LRP1B: variants seen among roughly 807,000 people sequenced by gnomAD.
LRP1B encodes the protein low-density lipoprotein receptor-related protein 1B.
A neutral mutation model predicts 556.6 loss-of-function variants in LRP1B; 217 were observed. The observed-to-expected ratio is 0.39, with a 90% CI of 0.35 to 0.44. LRP1B has a LOEUF of 0.44. Among genes scored for constraint, LRP1B ranks in the 20% least tolerant of loss-of-function variants. The pLI is 1.00. For synonymous variants in LRP1B, 2,047 were observed against 1,865.8 expected (o/e 1.10, Z -2.50); for missense variants, 5,053 against 5,620.8 (o/e 0.90, Z 3.23).
At chr2:140,578,322 G>A (rs888220183) in intron 43 of LRP1B, among the ~76,000 whole-genome samples, 1 of 151,986 alleles carries the variant, frequency 6.6e-6, no homozygotes, top group East Asian at 1.9e-4. Context: ...GGGGGCGGAC[G>A]ACTTTAACCC....
At chr2:142,128,583 T>G (rs1463690341) in intron 1 of LRP1B, among the ~76,000 whole-genome samples, 1 of 152,218 alleles carries the variant, frequency 6.6e-6, no homozygotes, top group Non-Finnish European at 1.5e-5. Flanking sequence ...CCCATCCTTT[T>G]CACTTTTGGT....
At chr2:141,168,226 A>G (rs981775531) in intron 7 of LRP1B, among the ~76,000 whole-genome samples, 1 of 152,108 alleles carries the variant, frequency 6.6e-6, no homozygotes, top group African/African-American at 2.4e-5. Context: ...GCCATTAAAA[A>G]TAAATGTCTG....
intron 60 of LRP1B, among the ~76,000 whole-genome samples, chr2:140,463,867 TTAAA>T (rs1687424592): frequency 6.6e-6 from 1 of 152,136 alleles, no homozygotes; most frequent in Non-Finnish European, 1.5e-5. Context: ...ACTGGGACAC[TTAAA>T]TAAGTGTAAT....
chr2:141,409,621 G>T (rs1314430699), intron 3 of LRP1B, among the ~76,000 whole-genome samples: 1 of 151,936 alleles, frequency 6.6e-6, no homozygotes, highest in Non-Finnish European at 1.5e-5. Flanking sequence ...TGTATCTATG[G>T]ATACAGTAGT....
At chr2:140,367,369 A>G (rs1470603977) in intron 71 of LRP1B, among the ~76,000 whole-genome samples, 1 of 151,788 alleles carries the variant, frequency 6.6e-6, no homozygotes, top group Non-Finnish European at 1.5e-5. Context: ...GCTTAGCAGA[A>G]CTGGTACAGC....
intron 1 of LRP1B, among the ~76,000 whole-genome samples, chr2:141,897,320 C>G (rs1245677658): frequency 6.6e-6 from 1 of 152,114 alleles, no homozygotes; most frequent in Non-Finnish European, 1.5e-5. Flanking sequence ...GATGCTAGCA[C>G]TCAATTGTTC....
intron 2 of LRP1B, among the ~76,000 whole-genome samples, chr2:141,535,440 G>A (rs1301324444): frequency 6.6e-6 from 1 of 151,830 alleles, no homozygotes; most frequent in East Asian, 1.9e-4. Context: ...GTGTAAACAT[G>A]TTAGAGCTCA....
At chr2:140,757,778 G>A (rs2104908651) in intron 35 of LRP1B, among the ~76,000 whole-genome samples, 1 of 152,278 alleles carries the variant, frequency 6.6e-6, no homozygotes, top group African/African-American at 2.4e-5. Context: ...CTACTTAGGG[G>A]GCTGAAGCAT....
At chr2:141,752,055 T>C (rs1244325846) in intron 2 of LRP1B, among the ~76,000 whole-genome samples, 1 of 151,966 alleles carries the variant, frequency 6.6e-6, no homozygotes. Context: ...TTTCCCAATA[T>C]ACATTAATCA....
chr2:140,450,733 G>T, intron 62 of LRP1B, 72 bp from the exon 63 acceptor site: 4 of 1,037,592 alleles, frequency 3.9e-6, no homozygotes, highest in Non-Finnish European at 5.7e-6. Context: ...TTAAAATTTG[G>T]CAACACAGCC....
intron 1 of LRP1B, among the ~76,000 whole-genome samples, chr2:141,964,918 A>G (rs1236582823): frequency 1.3e-5 from 2 of 150,326 alleles, no homozygotes; most frequent in Non-Finnish European, 3.0e-5. Context: ...AAACAACCCC[A>G]TCAAAAAGTG....
intron 41 of LRP1B, among the ~76,000 whole-genome samples, chr2:140,648,434 T>C (rs1319021439): frequency 7.9e-5 from 12 of 151,344 alleles, no homozygotes; most frequent in Non-Finnish European, 2.9e-5. Context: ...ACTTAAAGTA[T>C]AATAAAAAAA....
At chr2:141,070,116 C>T (rs1699596434) in intron 7 of LRP1B, among the ~76,000 whole-genome samples, 1 of 151,652 alleles carries the variant, frequency 6.6e-6, no homozygotes, top group East Asian at 1.9e-4. Flanking sequence ...ATCCATGTCC[C>T]CACAAAGGAC....
intron 3 of LRP1B, among the ~76,000 whole-genome samples, chr2:141,280,338 A>G (rs775929466): frequency 1.3e-5 from 2 of 152,046 alleles, no homozygotes; most frequent in African/African-American, 2.4e-5. Flanking sequence ...GATATTTCTC[A>G]CACTTCATAG....
At chr2:140,258,085 A>T (rs1040981070) in intron 86 of LRP1B, among the ~76,000 whole-genome samples, 1 of 152,140 alleles carries the variant, frequency 6.6e-6, no homozygotes, top group African/African-American at 2.4e-5. Flanking sequence ...AGAACTCATT[A>T]TCTTCCTCCC....
intron 25 of LRP1B, among the ~76,000 whole-genome samples, chr2:140,883,609 T>A (rs188119822): frequency 6.7e-6 from 1 of 149,944 alleles, no homozygotes; most frequent in Admixed American, 6.6e-5. Flanking sequence ...ATGTAAGCAA[T>A]CCTATCACCA....
rs150452442 is a variant in LRP1B at position 140,937,820 on chromosome 2, C to T, written c.3136+12415G>A. ...ATATTGGTTTTAATTTCCTCTCTCT[C>T]TATGCTTAAATATGTAATCTCAGTT... On this transcript the variant is annotated intron_variant, in intron 20 of 90. Transcript: ENST00000389484. 5.5e-3 allele frequency among the ~76,000 whole-genome samples: 842 copies of T among 151,980 alleles called. 10 individuals are homozygous for T. Among genetic ancestry groups the T allele is most frequent in the African/African-American group, 0.019 (791 of 41,448 alleles).
chr2:140,781,086 G>C (rs538369659), intron 32 of LRP1B, among the ~76,000 whole-genome samples: 4 of 152,136 alleles, frequency 2.6e-5, no homozygotes, highest in African/African-American at 9.7e-5. Flanking sequence ...GTTTCTGAGC[G>C]TGATCAATTG....
chr2:141,511,018 T>C (rs1684112512), intron 2 of LRP1B, among the ~76,000 whole-genome samples: 1 of 152,012 alleles, frequency 6.6e-6, no homozygotes, highest in African/African-American at 2.4e-5. Context: ...AATGATTCAA[T>C]GATCTGTCTT....
Sources: allele counts gnomAD v4.1 joint callset (sites outside exome capture counted in the v4.1 genomes callset), GRCh38; gene constraint gnomAD v4.1.1; transcripts MANE v1.5; gene names NCBI Gene and HGNC (gene_info 2026-07-23, HGNC 2026-07-21).